ZNF385D: variants seen among roughly 807,000 people sequenced by gnomAD.
The protein encoded by ZNF385D is zinc finger protein 385D.
ZNF385D carries 15 observed loss-of-function variants against 35.8 expected under a neutral mutation model. The observed-to-expected ratio is 0.42, with a 90% CI of 0.28 to 0.64. ZNF385D has a LOEUF of 0.64. Ranked by LOEUF, ZNF385D falls within the 30% of genes least tolerant of loss-of-function variation. The probability of loss-of-function intolerance (pLI) is 0.23; values close to 1 mark genes in which losing one functional copy is unlikely to be tolerated. For missense variants in ZNF385D, 474 were observed against 494.6 expected (o/e 0.96, Z 0.39); for synonymous variants, 212 against 186.8 (o/e 1.13, Z -1.10).
chr3:22,281,277 A>T (rs765247818), intron 2 of ZNF385D, among the ~76,000 whole-genome samples: 2 of 152,048 alleles, frequency 1.3e-5, no homozygotes, highest in Non-Finnish European at 2.9e-5. Flanking sequence ...ACTATGTTGA[A>T]TAGAAGTGAT....
chr3:21,479,277 T>C (rs1039735102), intron 4 of ZNF385D, among the ~76,000 whole-genome samples: 2 of 152,120 alleles, frequency 1.3e-5, no homozygotes, highest in South Asian at 4.2e-4. Flanking sequence ...AAATTTATCT[T>C]TACTTATGTA....
chr3:22,140,528 C>A (rs1323025734), intron 3 of ZNF385D, among the ~76,000 whole-genome samples: 1 of 151,920 alleles, frequency 6.6e-6, no homozygotes, highest in African/African-American at 2.4e-5. Context: ...AACTATACCC[C>A]CCCAAAAACA....
chr3:22,305,627 C>T (rs990312372), intron 2 of ZNF385D, among the ~76,000 whole-genome samples: 1 of 152,128 alleles, frequency 6.6e-6, no homozygotes, highest in Non-Finnish European at 1.5e-5. Flanking sequence ...CTCTTAAGAA[C>T]TTGTGCCCAG....
chr3:22,372,252 G>T (rs1226331181), intron 2 of ZNF385D, among the ~76,000 whole-genome samples: 1 of 152,070 alleles, frequency 6.6e-6, no homozygotes, highest in East Asian at 1.9e-4. Flanking sequence ...AAGAGGCTGG[G>T]GTGTGTGGAC....
chr3:21,859,921 G>A (rs2125827924), intron 3 of ZNF385D, among the ~76,000 whole-genome samples: 1 of 152,038 alleles, frequency 6.6e-6, no homozygotes, highest in African/African-American at 2.4e-5. Flanking sequence ...GGGACAGGGA[G>A]GATGTCACGC....
rs542893305 is a variant in ZNF385D at position 22,138,733 on chromosome 3, A to T, written c.325+30084T>A. On this transcript the variant is annotated intron_variant, in intron 3 of 5. Coordinates refer to the ZNF385D transcript ENST00000494108. ...AAAACCCTAGAAGAAAACCTAGGCAATACCATTCAGGACATAGGCATGGGC... is the reference window on the plus strand; with the variant it reads ...AAAACCCTAGAAGAAAACCTAGGCATTACCATTCAGGACATAGGCATGGGC... 9.2e-5 allele frequency among the ~76,000 whole-genome samples: 14 copies of T among 152,240 alleles called. No homozygotes were observed. The East Asian group carries it at 1.7e-3, about 19-fold the overall frequency.
In ZNF385D at chr3:21,768,052, C is replaced by T. The variant is rs1014262354; in HGVS notation, c.326-103024G>A. 5.3e-5 allele frequency among the ~76,000 whole-genome samples: 8 copies of T among 152,046 alleles called. 2 individuals are homozygous for T. The South Asian group carries it at 8.3e-4, about 16-fold the overall frequency. ...TGTAACAACATGCACTCATTTTGTA[C>T]ATTTCTGGCCTTGTTGTATGTAATA... On this transcript the variant is annotated intron_variant, in intron 3 of 5. Coordinates refer to the ZNF385D transcript ENST00000494108.
At chr3:21,492,739 G>A (rs13317408) in intron 4 of ZNF385D, among the ~76,000 whole-genome samples, 4,003 of 151,084 alleles carry the variant, frequency 0.026, 174 homozygotes, top group African/African-American at 0.092. Context: ...AGCCAACATC[G>A]TGCCACTGCA....
At chr3:22,123,665 G>C (rs1012852816) in intron 3 of ZNF385D, among the ~76,000 whole-genome samples, 1 of 152,148 alleles carries the variant, frequency 6.6e-6, no homozygotes, top group Non-Finnish European at 1.5e-5. Context: ...TTCAAGACCA[G>C]CCTGGCCAAC....
At chr3:22,077,663 T>A (rs1396062028) in intron 3 of ZNF385D, among the ~76,000 whole-genome samples, 1 of 151,986 alleles carries the variant, frequency 6.6e-6, no homozygotes, top group Non-Finnish European at 1.5e-5. Context: ...TTGTTTTGGT[T>A]CACATGTAAT....
chr3:21,717,125 TAAC>T (rs942900704), intron 1 of ZNF385D, among the ~76,000 whole-genome samples: 104 of 152,162 alleles, frequency 6.8e-4, no homozygotes, highest in African/African-American at 2.3e-3. Context: ...ACAATAACAA[TAAC>T]AACAAGATTC....
intron 3 of ZNF385D, among the ~76,000 whole-genome samples, chr3:21,931,802 T>G (rs886464692): frequency 6.6e-6 from 1 of 152,114 alleles, no homozygotes; most frequent in Admixed American, 6.5e-5. Context: ...TAAAAGTCAT[T>G]GGATTGTACA....
At chr3:21,772,053 T>C (rs898280461) in intron 3 of ZNF385D, among the ~76,000 whole-genome samples, 26 of 152,070 alleles carry the variant, frequency 1.7e-4, no homozygotes, top group African/African-American at 6.3e-4. Context: ...TGGACTGTTA[T>C]CTAAAACCAT....
chr3:21,780,372 T>G (rs1167432419), intron 3 of ZNF385D, among the ~76,000 whole-genome samples: 1 of 152,006 alleles, frequency 6.6e-6, no homozygotes, highest in Non-Finnish European at 1.5e-5. Context: ...TGTCACAGTT[T>G]ACTGAGTTTT....
intron 3 of ZNF385D, among the ~76,000 whole-genome samples, chr3:21,827,453 G>A (rs544225037): frequency 1.3e-5 from 2 of 152,262 alleles, no homozygotes; most frequent in Admixed American, 1.3e-4. Context: ...TACTTATCGA[G>A]ACATCAATTG....
intron 3 of ZNF385D, among the ~76,000 whole-genome samples, chr3:22,093,610 C>T (rs542525441): frequency 3.5e-4 from 53 of 152,144 alleles, no homozygotes; most frequent in Non-Finnish European, 2.5e-4. Flanking sequence ...GAGTTGACAA[C>T]CTACTATAAA....
intron 2 of ZNF385D, among the ~76,000 whole-genome samples, chr3:22,201,601 T>C (rs1373179342): frequency 8.5e-5 from 13 of 152,054 alleles, no homozygotes; most frequent in Admixed American, 8.5e-4. Flanking sequence ...TTTAAAAGTT[T>C]ATCTCAACCA....
chr3:22,214,297 T>G (rs921086469), intron 2 of ZNF385D, among the ~76,000 whole-genome samples: 1 of 151,820 alleles, frequency 6.6e-6, no homozygotes, highest in African/African-American at 2.4e-5. Flanking sequence ...AGTCTTATTA[T>G]CTGTAAGCTG....
rs1002666268 is a variant in ZNF385D, at chr3:22,260,511, A to T, written c.107-91476T>A. ...CACATGTATCCCAGAACTTAAAATT[A>T]AAAAAAAAGAAAACTACATTAGAAT... On this transcript the variant is annotated intron_variant, in intron 2 of 5. Coordinates refer to the ZNF385D transcript ENST00000494108. 4.6e-5 allele frequency among the ~76,000 whole-genome samples: 7 copies of T among 151,246 alleles called. No homozygotes were observed. In the East Asian group the frequency reaches 5.8e-4, roughly 13 times the overall value.
Sources: allele counts gnomAD v4.1 joint callset (sites outside exome capture counted in the v4.1 genomes callset), GRCh38; gene constraint gnomAD v4.1.1; transcripts MANE v1.5; gene names NCBI Gene and HGNC (gene_info 2026-07-23, HGNC 2026-07-21).